ADGRL3: variants seen among roughly 807,000 people sequenced by gnomAD.
ADGRL3 encodes the protein calcium-independent alpha-latrotoxin receptor 3.
Under a neutral mutation model 153.5 loss-of-function variants are expected in ADGRL3, and 62 were observed. The ratio of observed to expected loss-of-function variants is 0.40; its 90% CI spans 0.33 to 0.50. The LOEUF (loss-of-function observed/expected upper bound fraction) is 0.50. Among genes scored for constraint, ADGRL3 ranks in the 20% least tolerant of loss-of-function variants. ADGRL3 has a pLI of 0.47. For synonymous variants in ADGRL3, 710 were observed against 672.5 expected (o/e 1.06, Z -0.86); for missense variants, 1,641 against 1,859.4 (o/e 0.88, Z 2.16).
At chr4:62,016,134 C>T (rs1327673922) in intron 21 of ADGRL3, among the ~76,000 whole-genome samples, 1 of 151,792 alleles carries the variant, frequency 6.6e-6, no homozygotes, top group African/African-American at 2.4e-5. Flanking sequence ...CTGAAACCTC[C>T]GCCTCTCAGG....
At chr4:61,338,181 G>C (rs1375361769) in intron 1 of ADGRL3, among the ~76,000 whole-genome samples, 1 of 151,868 alleles carries the variant, frequency 6.6e-6, no homozygotes, top group Admixed American at 6.6e-5. Context: ...TGAGGCGAGA[G>C]GATCGCTTGA....
chr4:61,733,550 A>T lies in ADGRL3; in HGVS notation c.1395A>T (p.Arg465Ser), dbSNP rs746559584. ...TGGATTTTGGACCTCTGGATAGTAG[A>T]TCAGGTAAGTTCAACCTTTTGTGGT... is the stretch of plus-strand genomic sequence containing the variant. ...YSLDFGPLDS[R>S]SGQAHHGQVS... The change falls in exon 8 of 27, where the codon AGA becomes AGT. Residue 465 changes from arginine (R) to serine (S), a missense_variant. Coordinates refer to ENST00000683033, the MANE Select transcript of ADGRL3 (RefSeq NM_001387552.1). 3.1e-6 allele frequency: 5 copies of T among 1,606,570 alleles called. No homozygotes were observed. The highest frequency in any genetic ancestry group is 4.3e-6 in the Non-Finnish European group (5 of 1,174,494).
At chr4:61,848,247 A>G (rs977963352) in intron 9 of ADGRL3, among the ~76,000 whole-genome samples, 1 of 148,926 alleles carries the variant, frequency 6.7e-6, no homozygotes, top group East Asian at 2.0e-4. Flanking sequence ...GCTGTAACAC[A>G]TCATTACAAA....
chr4:61,410,146 C>T (rs2097066350), intron 2 of ADGRL3, among the ~76,000 whole-genome samples: 1 of 151,796 alleles, frequency 6.6e-6, no homozygotes, highest in African/African-American at 2.4e-5. Context: ...TGATGTTGGA[C>T]ATTTTTAATT....
At chr4:61,849,011 C>A (rs2098169844) in intron 9 of ADGRL3, among the ~76,000 whole-genome samples, 1 of 152,108 alleles carries the variant, frequency 6.6e-6, no homozygotes, top group Admixed American at 6.6e-5. Flanking sequence ...GAATCAACTC[C>A]CATAAATAGG....
intron 1 of ADGRL3, among the ~76,000 whole-genome samples, chr4:61,229,302 C>T (rs1185900422): frequency 6.6e-6 from 1 of 152,172 alleles, no homozygotes; most frequent in Non-Finnish European, 1.5e-5. Flanking sequence ...ATAAAATAAC[C>T]TATACCAAAT....
chr4:61,952,708 A>G (rs1360619470), intron 17 of ADGRL3, among the ~76,000 whole-genome samples: 2 of 152,184 alleles, frequency 1.3e-5, no homozygotes, highest in East Asian at 3.9e-4. Flanking sequence ...GCTATATATT[A>G]ACAAGTAATA....
chr4:61,847,726 TTATA>T lies in ADGRL3; in HGVS notation c.1480+33844_1480+33847del, dbSNP rs1390970574. On this transcript the variant is annotated intron_variant, in intron 9 of 26. Coordinates refer to ENST00000683033, the MANE Select transcript of ADGRL3 (RefSeq NM_001387552.1). ...TATTATATATATAATATAAAATATA[TTATA>T]TATATAATACAAAATATATTATATA... is the stretch of plus-strand genomic sequence containing the variant. 3.7e-4 allele frequency among the ~76,000 whole-genome samples: 10 copies of T among 26,686 alleles called. 3 individuals are homozygous for T. Among genetic ancestry groups the T allele is most frequent in the African/African-American group, 1.2e-3 (10 of 8,510 alleles). The allele number at this position is 26,686 out of a possible 152,430, so 17.5% of individuals were successfully genotyped here.
intron 1 of ADGRL3, among the ~76,000 whole-genome samples, chr4:61,215,799 G>C (rs1398933412): frequency 6.6e-6 from 1 of 151,650 alleles, no homozygotes; most frequent in Non-Finnish European, 1.5e-5. Flanking sequence ...TGATCCATCC[G>C]CCTCGGCCTC....
At chr4:61,285,334 G>A (rs2150056778) in intron 1 of ADGRL3, among the ~76,000 whole-genome samples, 1 of 151,730 alleles carries the variant, frequency 6.6e-6, no homozygotes, top group Non-Finnish European at 1.5e-5. Flanking sequence ...TTCATATCTG[G>A]GATACTGTTC....
chr4:61,895,628 C>A, intron 10 of ADGRL3, 103 bp from the exon 11 acceptor site: 2 of 606,378 alleles, frequency 3.3e-6, no homozygotes, highest in South Asian at 2.3e-5. Context: ...AACATTATAT[C>A]AATTTAATTA....
At chr4:61,668,458 GA>G in intron 5 of ADGRL3, among the ~76,000 whole-genome samples, 1 of 152,258 alleles carries the variant, frequency 6.6e-6, no homozygotes, top group South Asian at 2.1e-4. Flanking sequence ...AGAAGCAACA[GA>G]AAAAACGAAT....
At chr4:61,724,235 TTAAG>T (rs1468221059) in intron 6 of ADGRL3, among the ~76,000 whole-genome samples, 15 of 152,312 alleles carry the variant, frequency 9.8e-5, no homozygotes, top group African/African-American at 3.4e-4. Context: ...TGTATCAACT[TTAAG>T]TATTACCAAT....
At chr4:61,807,441 A>T (rs973247633) in intron 8 of ADGRL3, among the ~76,000 whole-genome samples, 2 of 152,100 alleles carry the variant, frequency 1.3e-5, no homozygotes, top group African/African-American at 2.4e-5. Flanking sequence ...TTTGTCATTT[A>T]ACCACCAAGT....
intron 23 of ADGRL3, among the ~76,000 whole-genome samples, chr4:62,036,338 T>G (rs1363051491): frequency 6.6e-6 from 1 of 151,994 alleles, no homozygotes; most frequent in East Asian, 1.9e-4. Flanking sequence ...TTTGAAGACT[T>G]TCTGGGAAGC....
intron 21 of ADGRL3, among the ~76,000 whole-genome samples, chr4:61,999,668 C>T (rs987184380): frequency 5.3e-5 from 8 of 152,146 alleles, no homozygotes; most frequent in Admixed American, 1.3e-4. Flanking sequence ...CATCTTTCTA[C>T]ATTCGGTGCC....
At chr4:61,222,737 A>C (rs1246417679) in intron 1 of ADGRL3, among the ~76,000 whole-genome samples, 1 of 152,176 alleles carries the variant, frequency 6.6e-6, no homozygotes, top group Non-Finnish European at 1.5e-5. Context: ...TAGAAAAGGA[A>C]ACCCAGACTA....
intron 4 of ADGRL3, among the ~76,000 whole-genome samples, chr4:61,549,909 G>T (rs1365370492): frequency 6.6e-6 from 1 of 151,796 alleles, no homozygotes; most frequent in African/African-American, 2.4e-5. Flanking sequence ...ACCCAGCAAT[G>T]AATTCTTATA....
At chr4:61,288,693 A>G (rs1223921134) in intron 1 of ADGRL3, among the ~76,000 whole-genome samples, 1 of 151,998 alleles carries the variant, frequency 6.6e-6, no homozygotes, top group African/African-American at 2.4e-5. Flanking sequence ...GAATAGTTGT[A>G]TGGCCAATGT....
Sources: allele counts gnomAD v4.1 joint callset (sites outside exome capture counted in the v4.1 genomes callset), GRCh38; gene constraint gnomAD v4.1.1; transcripts MANE v1.5; gene names NCBI Gene and HGNC (gene_info 2026-07-23, HGNC 2026-07-21).